The following P2RX4 variants were observed in gnomAD, a reference collection of about 807,000 sequenced individuals.
P2RX4 encodes purinergic receptor P2X 4, also known as P2X purinoceptor 4.
In P2RX4, 37 loss-of-function variants were observed where a neutral mutation model predicts 48.0. That is an observed-to-expected ratio of 0.77 (90% CI 0.59 to 1.01). P2RX4 has a LOEUF of 1.01. P2RX4 is among the 50% of genes least tolerant of loss of function. The probability of loss-of-function intolerance (pLI) is 0.00; values close to 1 mark genes in which losing one functional copy is unlikely to be tolerated. For missense variants in P2RX4, 501 were observed against 521.4 expected (o/e 0.96, Z 0.38); for synonymous variants, 200 against 199.7 (o/e 1.00, Z -0.01).
At chr12:121,228,643 C>A in intron 6 of P2RX4, 30 bp downstream of exon 6, 1 of 1,612,208 alleles carries the variant, frequency 6.2e-7, no homozygotes, top group Non-Finnish European at 8.5e-7. Flanking sequence ...GTGAGTTCAC[C>A]AGGGTCTTGG....
intron 5 of P2RX4, among the ~76,000 whole-genome samples, chr12:121,227,096 A>G (rs1887025080): frequency 6.6e-6 from 1 of 151,814 alleles, no homozygotes; most frequent in South Asian, 2.1e-4. Context: ...CAACAGGAGC[A>G]AGACTCCATC....
intron 2 of P2RX4, among the ~76,000 whole-genome samples, chr12:121,218,185 G>A (rs1158431137): frequency 6.6e-6 from 1 of 152,042 alleles, no homozygotes; most frequent in Non-Finnish European, 1.5e-5. Context: ...GAGCTAATGA[G>A]CCATAAAAGT....
chr12:121,220,377 T>A (rs914638674), intron 2 of P2RX4, among the ~76,000 whole-genome samples: 15 of 152,240 alleles, frequency 9.9e-5, no homozygotes, highest in African/African-American at 3.4e-4. Flanking sequence ...GGCTCATGCT[T>A]GTAATCCCAG....
At position 121,229,467 on chromosome 12, in the gene P2RX4, G is replaced by A. The variant is rs1427759360; in HGVS notation, c.884+368G>A. ...TGATCCTCCAGTCCAAAGGCCTCTG[G>A]GGCCTGGCCCAGGAATTGGTTTCTC... is the stretch of plus-strand genomic sequence containing the variant. On this transcript the variant is annotated intron_variant, in intron 8 of 11. Transcript: ENST00000337233. This position sits in a 1 kb window ranked among gnomAD's most constrained non-coding sequence, Gnocchi z 4.6. 2.6e-5 allele frequency among the ~76,000 whole-genome samples: 4 copies of A among 152,188 alleles called. No individual in the cohort carries two copies. Among genetic ancestry groups the A allele is most frequent in the Admixed American group, 2.6e-4 (4 of 15,284 alleles).
chr12:121,232,468 G>C lies in P2RX4; in HGVS notation c.939G>C (p.Lys313Asn), dbSNP rs1362882012. 6.2e-7 allele frequency: 1 copy of C among 1,614,082 alleles called. No individual in the cohort carries two copies. The highest frequency in any genetic ancestry group is 8.5e-7 in the Non-Finnish European group (1 of 1,180,030). ...GCAACGAGCAGCGCACGCTCATCAAGGCCTATGGCATCCGCTTCGACATCA... is the reference window on the plus strand; with the variant it reads ...GCAACGAGCAGCGCACGCTCATCAACGCCTATGGCATCCGCTTCGACATCA... ...LAGNEQRTLI[K>N]AYGIRFDIIV... The change falls in exon 9 of 12, where the codon AAG (lysine) becomes AAC (asparagine). Residue 313 changes from lysine (K) to asparagine (N), a missense_variant. Coordinates refer to ENST00000337233, the MANE Select transcript of P2RX4 (RefSeq NM_002560.3). The surrounding 1 kb of genome is among the most constrained non-coding windows in gnomAD (Gnocchi z 4.3).
At chr12:121,210,516 A>G (rs908459665) in intron 1 of P2RX4, among the ~76,000 whole-genome samples, 1 of 152,178 alleles carries the variant, frequency 6.6e-6, no homozygotes, top group Non-Finnish European at 1.5e-5. Flanking sequence ...GCGGTGGCGC[A>G]AGCCTGTAAT....
At chr12:121,226,941 C>T (rs911545100) in intron 5 of P2RX4, among the ~76,000 whole-genome samples, 4 of 151,924 alleles carry the variant, frequency 2.6e-5, no homozygotes, top group Non-Finnish European at 5.9e-5. Flanking sequence ...GGTGAAACCC[C>T]ATCTCTACTA....
chr12:121,222,499 A>C (rs3794209), intron 4 of P2RX4: 58,410 of 435,952 alleles, frequency 0.13, 4,765 homozygotes, highest in Admixed American at 0.24. Flanking sequence ...TGCAACCTCC[A>C]CCTCCCAGTT....
intron 5 of P2RX4, among the ~76,000 whole-genome samples, chr12:121,225,738 G>A (rs1458720660): frequency 2.0e-5 from 3 of 152,090 alleles, no homozygotes; most frequent in African/African-American, 7.2e-5. Flanking sequence ...AAAAAAGAAT[G>A]TATAATATCT....
chr12:121,233,935 T>G lies in P2RX4; in HGVS notation c.*386T>G, dbSNP rs1197293601. On this transcript the variant is annotated 3_prime_UTR_variant, in exon 12 of 12. Transcript: ENST00000337233. Reference sequence around the variant, plus strand: ...GGCACGGCGGCTCTGTTCAAGCACTTTATGCGGCAGGGGAGGCCGCCTGGC... The same window carrying G: ...GGCACGGCGGCTCTGTTCAAGCACTGTATGCGGCAGGGGAGGCCGCCTGGC... 1.1e-5 allele frequency: 3 copies of G among 266,658 alleles called. No individual in the cohort carries two copies. Among genetic ancestry groups the G allele is most frequent in the Non-Finnish European group, 2.2e-5 (3 of 134,478 alleles). The allele number at this position is 266,658 out of a possible 1,614,324, so 16.5% of individuals were successfully genotyped here.
At chr12:121,219,852 ATAGATAG>A (rs1269251830) in intron 2 of P2RX4, among the ~76,000 whole-genome samples, 4 of 149,850 alleles carry the variant, frequency 2.7e-5, no homozygotes, top group Admixed American at 6.6e-5. Context: ...AGATAGATAG[ATAGATAG>A]ATAGACAGAT....
At chr12:121,218,914 C>T (rs1185246851) in intron 2 of P2RX4, among the ~76,000 whole-genome samples, 2 of 152,050 alleles carry the variant, frequency 1.3e-5, no homozygotes, top group African/African-American at 4.8e-5. Flanking sequence ...AATCTCAACA[C>T]TTTTGGAGGC....
chr12:121,218,733 G>T (rs749955423), intron 2 of P2RX4, among the ~76,000 whole-genome samples: 2 of 152,124 alleles, frequency 1.3e-5, no homozygotes, highest in African/African-American at 2.4e-5. Flanking sequence ...GGCGGGGGCC[G>T]TGTGAGTTCC....
intron 8 of P2RX4, among the ~76,000 whole-genome samples, chr12:121,230,696 C>T (rs914267673): frequency 5.9e-5 from 9 of 152,198 alleles, no homozygotes; most frequent in African/African-American, 1.7e-4. Flanking sequence ...CCCCCAACCT[C>T]GGGCAGCACC....
At chr12:121,218,714 G>A (rs900895811) in intron 2 of P2RX4, among the ~76,000 whole-genome samples, 9 of 150,490 alleles carry the variant, frequency 6.0e-5, no homozygotes, top group African/African-American at 2.3e-4. Flanking sequence ...GCCTTCCGTG[G>A]TGGATCTGGG....
intron 5 of P2RX4, among the ~76,000 whole-genome samples, chr12:121,227,549 C>T (rs898498470): frequency 1.3e-5 from 2 of 152,180 alleles, no homozygotes; most frequent in Non-Finnish European, 2.9e-5. Flanking sequence ...AGAACGCCTG[C>T]GGCCCCAAAG....
At chr12:121,213,252 C>A (rs2136213371) in intron 1 of P2RX4, 1 of 152,134 alleles carries the variant, frequency 6.6e-6, no homozygotes, top group Middle Eastern at 3.4e-3. Context: ...CATAGCGAGA[C>A]CTTGCCTCTA....
chr12:121,233,405 T>C, intron 11 of P2RX4, 118 bp from the exon 12 acceptor site: 1 of 1,088,840 alleles, frequency 9.2e-7, no homozygotes, highest in Non-Finnish European at 1.4e-6. Flanking sequence ...AGGGTTGGGT[T>C]CCAGGCCTGG....
At chr12:121,226,467 C>T (rs558884803) in intron 5 of P2RX4, among the ~76,000 whole-genome samples, 3 of 151,994 alleles carry the variant, frequency 2.0e-5, no homozygotes, top group Admixed American at 1.3e-4. Flanking sequence ...TGCTTGAACC[C>T]GGGAGATAGA....
Sources: gnomAD v4.1 joint callset for allele counts (sites outside exome capture counted in the v4.1 genomes callset) on GRCh38, gnomAD v4.1.1 for gene constraint, Gnocchi (gnomAD v3.1) non-coding constraint, MANE v1.5 for transcripts, NCBI Gene and HGNC (gene_info 2026-07-23, HGNC 2026-07-21) for gene names.